The following ARHGEF7 variants were observed in gnomAD, a reference collection of about 807,000 sequenced individuals.
ARHGEF7 encodes PAK-interacting exchange factor beta.
In ARHGEF7, 33 loss-of-function variants were observed where a neutral mutation model predicts 109.8. The observed-to-expected ratio is 0.30, with a 90% CI of 0.23 to 0.40. ARHGEF7 has a LOEUF of 0.40. Ranked by LOEUF, ARHGEF7 falls within the 10% of genes least tolerant of loss-of-function variation. ARHGEF7 has a pLI of 1.00. For missense variants in ARHGEF7, 938 were observed against 1,098.5 expected (o/e 0.85, Z 2.07); for synonymous variants, 458 against 424.6 (o/e 1.08, Z -0.97).
rs1241465065 is a variant in ARHGEF7 at position 111,205,364 on chromosome 13, G to A, written c.328G>A (p.Val110Ile). The A allele has an allele frequency of 1.3e-6, 2 of 1,596,996 alleles. No individual in the cohort carries two copies. Among genetic ancestry groups the A allele is most frequent in the East Asian group, 2.3e-5 (1 of 44,018 alleles). ...CAGTTCCTTAGTGACTCTAAATAAA[G>A]TAACAGCAGGTAAGACTCTTTTTTA... is the stretch of plus-strand genomic sequence containing the variant. Reference protein sequence around the residue: ...VLSSLVTLNKVTADIGLGSDS... With the variant: ...VLSSLVTLNKITADIGLGSDS... The change falls in exon 3 of 22, where the codon GTA becomes ATA. Residue 110 changes from valine to isoleucine, a missense_variant. Val to Ile is a conservative substitution (Grantham distance 29). Around this residue, in one of 4 missense-constraint regions of ARHGEF7, gnomAD observed 585 missense variants for 723.6 expected, o/e 0.81. Transcript: ENST00000646102.
At chr13:111,189,158 G>C (rs2079573104) in intron 2 of ARHGEF7, among the ~76,000 whole-genome samples, 1 of 152,238 alleles carries the variant, frequency 6.6e-6, no homozygotes, top group African/African-American at 2.4e-5. Flanking sequence ...CTTCTGCTTA[G>C]AACCAGGGTG....
intron 6 of ARHGEF7, among the ~76,000 whole-genome samples, chr13:111,238,886 G>C (rs1566927844): frequency 2.0e-5 from 3 of 152,188 alleles, no homozygotes; most frequent in African/African-American, 7.2e-5. Context: ...TTCTCACGCT[G>C]CTGTGAAGAA....
intron 1 of ARHGEF7, among the ~76,000 whole-genome samples, chr13:111,130,789 G>T (rs113178175): frequency 6.6e-6 from 1 of 152,204 alleles, no homozygotes; most frequent in African/African-American, 2.4e-5. Context: ...CCCCAGTGGC[G>T]GTTTGGGGAA....
chr13:111,160,572 G>A (rs968676076), intron 2 of ARHGEF7, among the ~76,000 whole-genome samples: 3 of 152,130 alleles, frequency 2.0e-5, no homozygotes, highest in Admixed American at 1.3e-4. Flanking sequence ...AGACCCAGGA[G>A]ATTATGGGGA....
At chr13:111,206,960 TAAAAAAAAAAAAAAAGAA>T (rs1219979081) in intron 3 of ARHGEF7, among the ~76,000 whole-genome samples, 1 of 53,744 alleles carries the variant, frequency 1.9e-5, no homozygotes, top group Non-Finnish European at 3.7e-5. Flanking sequence ...AGACTCCATC[TAAAAAAAAAAAAAAAGAA>T]AAAGAAAAAA....
At chr13:111,174,372 C>T (rs1365526887) in intron 2 of ARHGEF7, among the ~76,000 whole-genome samples, 5 of 152,350 alleles carry the variant, frequency 3.3e-5, no homozygotes, top group Non-Finnish European at 4.4e-5. Context: ...TTCATGTCTT[C>T]CGAATTCTTC....
chr13:111,293,696 C>T, intron 19 of ARHGEF7: 1 of 985,402 alleles, frequency 1.0e-6, no homozygotes, highest in Non-Finnish European at 1.2e-6. Flanking sequence ...AAACAAGATG[C>T]CATAGTAAAT....
rs1340152764 is a variant in ARHGEF7, at chr13:111,272,612, TC to T, written c.1074-1201del. 6.6e-6 allele frequency among the ~76,000 whole-genome samples: 1 copy of T among 152,156 alleles called. No individual in the cohort carries two copies. The highest frequency in any genetic ancestry group is 2.4e-5 in the African/African-American group (1 of 41,436). Reference sequence around the variant, plus strand: ...AAGCTCTGCTGACTAGAGACCCCTATCTTCTAGGATGGGGCGTGGTGATGGG... The same window carrying T: ...AAGCTCTGCTGACTAGAGACCCCTATTTCTAGGATGGGGCGTGGTGATGGG... On this transcript the variant is annotated intron_variant, in intron 9 of 21. Transcript: ENST00000646102. This position sits in a 1 kb window ranked among gnomAD's most constrained non-coding sequence, Gnocchi z 5.2.
chr13:111,260,305 C>T (rs2090948585), intron 8 of ARHGEF7, among the ~76,000 whole-genome samples: 3 of 152,172 alleles, frequency 2.0e-5, no homozygotes, highest in Admixed American at 6.5e-5. Flanking sequence ...AGAAGACTAC[C>T]TTATGGGATT....
At chr13:111,123,770 A>G (rs796142234) in intron 1 of ARHGEF7, among the ~76,000 whole-genome samples, 1 of 151,306 alleles carries the variant, frequency 6.6e-6, no homozygotes, top group Non-Finnish European at 1.5e-5. Flanking sequence ...CCACCCTATA[A>G]GGGAGGTGGT....
At chr13:111,291,810 AT>A (rs2093294779) in intron 18 of ARHGEF7, among the ~76,000 whole-genome samples, 1 of 152,248 alleles carries the variant, frequency 6.6e-6, no homozygotes, top group Admixed American at 6.5e-5. Context: ...TTTGTAAAAG[AT>A]TTCTTAAATG....
chr13:111,139,637 A>G (rs959416106), intron 1 of ARHGEF7, among the ~76,000 whole-genome samples: 12 of 143,996 alleles, frequency 8.3e-5, no homozygotes, highest in African/African-American at 3.0e-4. Flanking sequence ...CTGGCGGCAG[A>G]CAGGGGCCTG....
At position 111,145,607 on chromosome 13, in the gene ARHGEF7, T is replaced by C. The variant is rs1245779896; in HGVS notation, c.166-8298T>C. 6.6e-6 allele frequency among the ~76,000 whole-genome samples: 1 copy of C among 152,134 alleles called. No homozygotes were observed. Among genetic ancestry groups the C allele is most frequent in the African/African-American group, 2.4e-5 (1 of 41,426 alleles). On this transcript the variant is annotated intron_variant, in intron 1 of 21. Transcript: ENST00000646102. The surrounding 1 kb of genome is among the most constrained non-coding windows in gnomAD (Gnocchi z 4.3). ...TTGCTGATTTCTGTGCCGTAGGTAC[T>C]TACACCAGGGCTTTAAAGGCACCAG...
intron 1 of ARHGEF7, among the ~76,000 whole-genome samples, chr13:111,126,468 C>T (rs2067567474): frequency 6.8e-6 from 1 of 147,120 alleles, no homozygotes; most frequent in South Asian, 2.1e-4. Context: ...CCAGCCTGGG[C>T]AGCTGAGCGA....
At position 111,304,642 on chromosome 13, in the gene ARHGEF7, A is replaced by G. The variant is rs1434103359; in HGVS notation, c.*1529A>G. ...TTGGGAGAGTGTTGTGTTGCTGTTT[A>G]CGGTTCTTCCTTGCCCTTGCTAATT... is the stretch of plus-strand genomic sequence containing the variant. On this transcript the variant is annotated 3_prime_UTR_variant, in exon 22 of 22. Coordinates refer to ENST00000646102, the MANE Select transcript of ARHGEF7 (RefSeq NM_001354046.2). 3 of 152,182 alleles carry G rather than the reference A, an allele frequency of 2.0e-5. No homozygotes were observed. The highest frequency in any genetic ancestry group is 1.3e-4 in the Admixed American group (2 of 15,278). 9.4% of individuals were successfully genotyped at this position (152,182 alleles called of 1,614,324 possible).
intron 2 of ARHGEF7, among the ~76,000 whole-genome samples, chr13:111,164,162 T>C (rs1180713983): frequency 3.3e-5 from 5 of 152,204 alleles, no homozygotes; most frequent in African/African-American, 1.2e-4. Flanking sequence ...TTGTACTGTT[T>C]TGTTGAAACC....
chr13:111,233,128 C>G (rs2086328306), intron 5 of ARHGEF7, 77 bp from the exon 6 acceptor site: 1 of 1,220,256 alleles, frequency 8.2e-7, no homozygotes, highest in Admixed American at 1.7e-5. Flanking sequence ...GATGAGTATC[C>G]TTGGCCTGTG....
At chr13:111,300,947 C>A in intron 20 of ARHGEF7, 100 bp downstream of exon 20, 1 of 667,538 alleles carries the variant, frequency 1.5e-6, no homozygotes, top group Non-Finnish European at 2.4e-6. Context: ...GCTTCAGAAG[C>A]TTCACTTTTT....
intron 1 of ARHGEF7, among the ~76,000 whole-genome samples, chr13:111,121,940 C>T (rs147378439): frequency 7.9e-4 from 121 of 152,322 alleles, no homozygotes; most frequent in African/African-American, 2.8e-3. Context: ...TTCCTCAGTA[C>T]GCAGTAGTTA....
Sources: gnomAD v4.1 joint callset for allele counts (sites outside exome capture counted in the v4.1 genomes callset) on GRCh38, gnomAD v4.1.1 for gene constraint, gnomAD v4.1.1 regional missense constraint, Gnocchi (gnomAD v3.1) non-coding constraint, MANE v1.5 for transcripts, NCBI Gene and HGNC (gene_info 2026-07-23, HGNC 2026-07-21) for gene names.